Variants in GRIA4 observed in about 807,000 individuals in gnomAD.
GRIA4 encodes glutamate receptor 4.
A neutral mutation model predicts 104.0 loss-of-function variants in GRIA4; 34 were observed. That is an observed-to-expected ratio of 0.33 (90% confidence interval 0.25 to 0.44). GRIA4 has a LOEUF of 0.44. GRIA4 is among the 20% of genes least tolerant of loss of function. The pLI is 1.00. For missense variants in GRIA4, 750 were observed against 1,096.5 expected (o/e 0.68, Z 4.46); for synonymous variants, 386 against 381.9 (o/e 1.01, Z -0.13).
intron 5 of GRIA4, among the ~76,000 whole-genome samples, chr11:105,871,151 A>G (rs1054535389): frequency 6.6e-6 from 1 of 152,126 alleles, no homozygotes; most frequent in Non-Finnish European, 1.5e-5. Flanking sequence ...CAAATATATA[A>G]TGCCATATAG....
At chr11:105,955,245 G>A (rs1948556329) in intron 14 of GRIA4, among the ~76,000 whole-genome samples, 1 of 151,758 alleles carries the variant, frequency 6.6e-6, no homozygotes, top group Non-Finnish European at 1.5e-5. Context: ...TGCACCTATT[G>A]ACCCGCCCTC....
intron 3 of GRIA4, among the ~76,000 whole-genome samples, chr11:105,626,570 T>G (rs1048041871): frequency 6.6e-6 from 1 of 152,162 alleles, no homozygotes; most frequent in South Asian, 2.1e-4. Flanking sequence ...AAATTGTGAA[T>G]CATTTGACCC....
intron 4 of GRIA4, among the ~76,000 whole-genome samples, chr11:105,814,549 G>A (rs1411174971): frequency 6.6e-6 from 1 of 152,060 alleles, no homozygotes. Flanking sequence ...TTTGTAAAAT[G>A]GTAATAATAG....
At chr11:105,800,523 C>T (rs1197670771) in intron 4 of GRIA4, among the ~76,000 whole-genome samples, 1 of 151,798 alleles carries the variant, frequency 6.6e-6, no homozygotes, top group African/African-American at 2.4e-5. Context: ...AATTAGGGGA[C>T]AAGGATTGTT....
intron 3 of GRIA4, among the ~76,000 whole-genome samples, chr11:105,659,950 C>T (rs1445610): frequency 0.52 from 78,489 of 151,444 alleles, 20,601 homozygotes; most frequent in Admixed American, 0.61. Flanking sequence ...TAAGATACTA[C>T]TGAAATTAAA....
intron 14 of GRIA4, among the ~76,000 whole-genome samples, chr11:105,935,640 T>C (rs1332015638): frequency 6.6e-6 from 1 of 152,162 alleles, no homozygotes; most frequent in African/African-American, 2.4e-5. Context: ...TTCAGACTAT[T>C]GATTACATTC....
chr11:105,626,415 T>C (rs1467314375), intron 3 of GRIA4, among the ~76,000 whole-genome samples: 2 of 152,078 alleles, frequency 1.3e-5, no homozygotes, highest in Non-Finnish European at 2.9e-5. Context: ...AAAATCAAAT[T>C]GAGATACACA....
intron 5 of GRIA4, among the ~76,000 whole-genome samples, chr11:105,873,329 G>A (rs1416377698): frequency 6.6e-6 from 1 of 152,114 alleles, no homozygotes; most frequent in Non-Finnish European, 1.5e-5. Context: ...CCATTGATGG[G>A]CATTTGTGTT....
intron 3 of GRIA4, among the ~76,000 whole-genome samples, chr11:105,712,596 CTAT>C (rs1182752274): frequency 6.6e-6 from 1 of 152,018 alleles, no homozygotes; most frequent in Non-Finnish European, 1.5e-5. Context: ...TCAGCCTATC[CTAT>C]TTTTTGTGCA....
chr11:105,673,121 T>G (rs1357125330), intron 3 of GRIA4, among the ~76,000 whole-genome samples: 2 of 152,042 alleles, frequency 1.3e-5, no homozygotes, highest in African/African-American at 4.8e-5. Flanking sequence ...ACCTCTCCAG[T>G]CTCACTGCAT....
intron 4 of GRIA4, among the ~76,000 whole-genome samples, chr11:105,847,972 G>A (rs190161485): frequency 6.0e-4 from 92 of 152,280 alleles, no homozygotes; most frequent in African/African-American, 1.9e-3. Flanking sequence ...GACTTGCTGA[G>A]CAGAATTTTG....
intron 3 of GRIA4, among the ~76,000 whole-genome samples, chr11:105,622,686 A>AT (rs970257213): frequency 4.6e-5 from 7 of 151,338 alleles, no homozygotes; most frequent in Admixed American, 1.3e-4. Context: ...TTTTATTTTA[A>AT]TTTTTTTACT....
At chr11:105,748,519 A>T (rs1387080635) in intron 3 of GRIA4, among the ~76,000 whole-genome samples, 5 of 151,846 alleles carry the variant, frequency 3.3e-5, no homozygotes, top group Non-Finnish European at 7.4e-5. Flanking sequence ...AGTAGCTGGG[A>T]TTACGGGCAT....
chr11:105,820,939 A>C (rs1236395689), intron 4 of GRIA4, among the ~76,000 whole-genome samples: 1 of 152,174 alleles, frequency 6.6e-6, no homozygotes, highest in Non-Finnish European at 1.5e-5. Flanking sequence ...AGAACAGAAG[A>C]GCGAAAACTT....
chr11:105,821,996 G>A lies in GRIA4; in HGVS notation c.488-40028G>A, dbSNP rs942224600. On this transcript the variant is annotated intron_variant, in intron 4 of 16. Coordinates refer to ENST00000282499, the MANE Select transcript of GRIA4 (RefSeq NM_000829.4). ...GCTCGCCACGCAGGTTCCCAGAACC[G>A]GGAAAATCCTTTTGCTGTAGAACAA... 2.6e-5 allele frequency among the ~76,000 whole-genome samples: 4 copies of A among 152,162 alleles called. No individual in the cohort carries two copies. The East Asian group carries it at 7.8e-4, about 30-fold the overall frequency.
intron 11 of GRIA4, among the ~76,000 whole-genome samples, chr11:105,920,741 G>T (rs192194421): frequency 6.6e-6 from 1 of 152,200 alleles, no homozygotes; most frequent in Admixed American, 6.6e-5. Flanking sequence ...TAACATAATG[G>T]TTATTAATAT....
rs115520996 is a variant in GRIA4, at chr11:105,739,134, C to T, written c.248-13847C>T. ...GCACCCAAATTACTGCCAAGGAAGC[C>T]GTCTTTACACTGAATGGAATCTTGC... On this transcript the variant is annotated intron_variant, in intron 3 of 16. Coordinates refer to ENST00000282499, the MANE Select transcript of GRIA4 (RefSeq NM_000829.4). Among the ~76,000 whole-genome samples the T allele has an allele frequency of 3.0e-3, 456 of 152,122 alleles. 8 individuals carry two copies. Among genetic ancestry groups the T allele is most frequent in the African/African-American group, 0.011 (447 of 41,514 alleles).
In GRIA4 at chr11:105,667,758, T is replaced by C. The variant is rs374258459; in HGVS notation, c.247+55324T>C. Among the ~76,000 whole-genome samples, 196 of 152,192 alleles carry C rather than the reference T, an allele frequency of 1.3e-3. 1 individual carries two copies. The highest frequency in any genetic ancestry group is 4.6e-3 in the African/African-American group (191 of 41,562). Reference sequence around the variant, plus strand: ...CTGAATGTTTTGATATATGTGTACATTGTGAAATGATCATGGCAATTAAGC... The same window carrying C: ...CTGAATGTTTTGATATATGTGTACACTGTGAAATGATCATGGCAATTAAGC... On this transcript the variant is annotated intron_variant, in intron 3 of 16. Transcript: ENST00000282499.
chr11:105,770,863 C>G (rs1454634577), intron 4 of GRIA4, among the ~76,000 whole-genome samples: 1 of 152,068 alleles, frequency 6.6e-6, no homozygotes, highest in Non-Finnish European at 1.5e-5. Flanking sequence ...TCAAAATGCT[C>G]TGAACATTCG....
Sources: gnomAD v4.1 joint callset for allele counts (sites outside exome capture counted in the v4.1 genomes callset) on GRCh38, gnomAD v4.1.1 for gene constraint, MANE v1.5 for transcripts, NCBI Gene and HGNC (gene_info 2026-07-23, HGNC 2026-07-21) for gene names.